Variants in CCDC110 observed in about 807,000 individuals in gnomAD.
CCDC110 encodes the protein coiled-coil domain-containing protein 110.
CCDC110 carries 70 observed loss-of-function variants against 77.1 expected under a neutral mutation model. The observed-to-expected ratio is 0.91, with a 90% confidence interval of 0.75 to 1.11. CCDC110 has a LOEUF of 1.11. Ranked by LOEUF, CCDC110 falls within the 50% of genes least tolerant of loss-of-function variation. The probability of loss-of-function intolerance (pLI) is 0.00; values close to 1 mark genes in which losing one functional copy is unlikely to be tolerated. For missense variants in CCDC110, 868 were observed against 942.9 expected (o/e 0.92, Z 1.04); for synonymous variants, 295 against 312.5 (o/e 0.94, Z 0.59).
Position 185,458,111 on chromosome 4 carries a change from C to T in CCDC110, c.2461+15G>A, listed in dbSNP as rs1456939821. On this transcript the variant is annotated intron_variant, in intron 6 of 6. Transcript: ENST00000307588. ...TCTTAAACACATCTCTACTAATCTA[C>T]CAGGACTTGCGTACCTTTCAAATCC... 16 of 1,504,932 alleles carry T rather than the reference C, an allele frequency of 1.1e-5. No individual in the cohort carries two copies. Among genetic ancestry groups the T allele is most frequent in the Non-Finnish European group, 1.4e-5 (16 of 1,128,748 alleles). The allele number at this position is 1,504,932 out of a possible 1,614,324, so 93.2% of individuals were successfully genotyped here.
rs200557679 is a variant in CCDC110, at chr4:185,460,079, A to G, written c.508T>C (p.Leu170=). The G allele has an allele frequency of 3.7e-6, 6 of 1,613,738 alleles. No individual in the cohort carries two copies. The highest frequency in any genetic ancestry group is 1.3e-5 in the African/African-American group (1 of 74,916). The stretch of plus-strand genomic sequence containing the variant: ...TTGTCTGTTGAAGTTCTCAGAGTTA[A>G]TGTGTCCTCGGAATGTATCTGGGAT... The part of the protein sequence containing the change: ...VPSQIHSEDT[L]TLRTSTDNLS... The change falls in exon 6 of 7, where the codon TTA becomes CTA. Residue 170 remains leucine, a synonymous_variant. Coordinates refer to ENST00000307588, the MANE Select transcript of CCDC110 (RefSeq NM_152775.4).
At position 185,459,234 on chromosome 4, in the gene CCDC110, T is replaced by C; in HGVS notation, c.1353A>G (p.Glu451=). ...TCATTTTGGACTTAAGGTTTAGATT[T>C]TCACTCTCCAGTTCCATTACTTTTT... ...IQKKVMELES[E]NLNLKSKMKP... The change falls in exon 6 of 7, where the codon GAA becomes GAG. Residue 451 remains glutamate, a synonymous_variant. Transcript: ENST00000307588. 6.2e-7 allele frequency: 1 copy of C among 1,607,386 alleles called. No homozygotes were observed. Among genetic ancestry groups the C allele is most frequent in the Non-Finnish European group, 8.5e-7 (1 of 1,178,094 alleles).
rs1249342930 is a variant in CCDC110, at chr4:185,463,058, C to T, written c.116-9G>A. On this transcript the variant is annotated splice_polypyrimidine_tract_variant and intron_variant, in intron 2 of 6. Transcript: ENST00000307588. ...TGCTATGCAGCCATATTCTAAGAAG[C>T]AAAATTGAAAAACCATGTGACTTAA... The T allele has an allele frequency of 1.2e-6, 2 of 1,607,452 alleles. No homozygotes were observed. The highest frequency in any genetic ancestry group is 1.3e-5 in the African/African-American group (1 of 74,612).
Position 185,449,690 on chromosome 4 carries a change from C to T in CCDC110, c.2462-4148G>A, listed in dbSNP as rs1485435581. On this transcript the variant is annotated intron_variant, in intron 6 of 6. Transcript: ENST00000307588. ...TTCTAGATCTTAACTATGAGTAATT[C>T]ACTATCAAGAGCTAATTATTTGAAA... 6 of 1,299,952 alleles carry T rather than the reference C, an allele frequency of 4.6e-6. No homozygotes were observed. The South Asian group carries it at 7.0e-5, about 15-fold the overall frequency. The allele number at this position is 1,299,952 out of a possible 1,614,324, so 80.5% of individuals were successfully genotyped here.
chr4:185,450,239 A>G (rs949574534), intron 6 of CCDC110, among the ~76,000 whole-genome samples: 1 of 152,170 alleles, frequency 6.6e-6, no homozygotes, highest in African/African-American at 2.4e-5. Flanking sequence ...CAGCCCCAAG[A>G]TGAGTTTGAG....
At chr4:185,462,011 T>A (rs4309881) in intron 4 of CCDC110, among the ~76,000 whole-genome samples, 52,808 of 151,924 alleles carry the variant, frequency 0.35, 10,855 homozygotes, top group Non-Finnish European at 0.48. Context: ...GGCAGGAGAA[T>A]TGCTTGAACC....
chr4:185,449,214 A>C (rs1258565461), intron 6 of CCDC110, among the ~76,000 whole-genome samples: 1 of 152,192 alleles, frequency 6.6e-6, no homozygotes, highest in Non-Finnish European at 1.5e-5. Flanking sequence ...TTTTAATGAA[A>C]ATAGTTTTTA....
chr4:185,469,698 C>T (rs2095662438), intron 2 of CCDC110, among the ~76,000 whole-genome samples: 1 of 152,222 alleles, frequency 6.6e-6, no homozygotes, highest in Non-Finnish European at 1.5e-5. Context: ...AGTGCCTGTC[C>T]TGCTGGCCTC....
At chr4:185,448,708 C>T (rs1213700976) in intron 6 of CCDC110, among the ~76,000 whole-genome samples, 1 of 152,300 alleles carries the variant, frequency 6.6e-6, no homozygotes, top group African/African-American at 2.4e-5. Flanking sequence ...CTGCCCAACT[C>T]ATCTAATAAA....
In CCDC110 at chr4:185,462,576, A is replaced by G. The variant is rs180747678; in HGVS notation, c.237+67T>C. ...TCAGCTAATCCATTGGCTAGTGACCATCAGCTTAGAAGATGGGATGATACT... is the reference window on the plus strand; with the variant it reads ...TCAGCTAATCCATTGGCTAGTGACCGTCAGCTTAGAAGATGGGATGATACT... On this transcript the variant is annotated intron_variant, in intron 4 of 6. Transcript: ENST00000307588. 1.5e-3 allele frequency: 1,876 copies of G among 1,217,468 alleles called. 6 individuals are homozygous for G. The highest frequency in any genetic ancestry group is 9.6e-3 in the Middle Eastern group (51 of 5,298). The allele number at this position is 1,217,468 out of a possible 1,614,324, so 75.4% of individuals were successfully genotyped here.
In CCDC110 at chr4:185,445,228, T is replaced by G. The variant is rs2120413; in HGVS notation, c.*274A>C. On this transcript the variant is annotated 3_prime_UTR_variant, in exon 7 of 7. Transcript: ENST00000307588. ...TATCTTTTATTTATATATACTTTTT[T>G]AAATGACAAATGTGGGTGACTTTAG... 8.9e-7 allele frequency: 1 copy of G among 1,128,704 alleles called. No individual in the cohort carries two copies. The highest frequency in any genetic ancestry group is 2.6e-5 in the East Asian group (1 of 38,648). 69.9% of individuals were successfully genotyped at this position (1,128,704 alleles called of 1,614,324 possible).
At chr4:185,470,373 C>A (rs755212232) in intron 2 of CCDC110, among the ~76,000 whole-genome samples, 6 of 152,082 alleles carry the variant, frequency 3.9e-5, no homozygotes, top group Non-Finnish European at 8.8e-5. Context: ...ACTTGTAATA[C>A]CTTATACAAT....
rs754800606 is a variant in CCDC110, at chr4:185,462,668, A to C, written c.212T>G (p.Met71Arg). 1.1e-5 allele frequency: 18 copies of C among 1,613,906 alleles called. No individual in the cohort carries two copies. The East Asian group carries it at 3.6e-4, about 32-fold the overall frequency. Residue 71 changes from methionine to arginine, a missense_variant, in exon 4 of 7, where the codon ATG (methionine) becomes AGG (arginine). By Grantham distance (91) the Met-to-Arg change is moderately conservative. Coordinates refer to ENST00000307588, the MANE Select transcript of CCDC110 (RefSeq NM_152775.4). ...QQLESFQALRMQTLQNVSMVQ... is the reference protein window; with the variant it reads ...QQLESFQALRRQTLQNVSMVQ... ...CATGCTGACATTCTGCAAAGTCTGC[A>C]TTCGCAAAGCCTGAAATGATTCCAA...
Position 185,471,650 on chromosome 4 carries a change from AGCCCC to A in CCDC110, c.10+19_10+23del, listed in dbSNP as rs2095668345. 1 of 1,554,352 alleles carries A rather than the reference AGCCCC, an allele frequency of 6.4e-7. No individual in the cohort carries two copies. On this transcript the variant is annotated intron_variant, in intron 1 of 6. Coordinates refer to ENST00000307588, the MANE Select transcript of CCDC110 (RefSeq NM_152775.4). ...CCTCCGTTCCCGCGGCTCCCCTAGG[AGCCCC>A]GCCCCGTCCAACTCTTACCCGGGCT...
chr4:185,451,712 T>G (rs957654480), intron 6 of CCDC110, among the ~76,000 whole-genome samples: 1 of 152,264 alleles, frequency 6.6e-6, no homozygotes, highest in Non-Finnish European at 1.5e-5. Context: ...GGCTCATGCC[T>G]GTAATCCCAA....
chr4:185,460,492 T>C (rs2095644063), intron 5 of CCDC110, among the ~76,000 whole-genome samples: 1 of 152,214 alleles, frequency 6.6e-6, no homozygotes, highest in Non-Finnish European at 1.5e-5. Context: ...AACCCCTCAA[T>C]TTCAGAAATA....
Position 185,464,662 on chromosome 4 carries a change from A to G in CCDC110, c.116-1613T>C, listed in dbSNP as rs77078006. ...TACCACCTAGAATCCTGCCACCCAC[A>G]ACGAACTGTTGTTAATTTTAGGTGC... On this transcript the variant is annotated intron_variant, in intron 2 of 6. Transcript: ENST00000307588. Among the ~76,000 whole-genome samples, 13 of 152,290 alleles carry G rather than the reference A, an allele frequency of 8.5e-5. No homozygotes were observed. In the East Asian group the frequency reaches 2.5e-3, roughly 29 times the overall value.
intron 6 of CCDC110, among the ~76,000 whole-genome samples, chr4:185,445,902 C>T (rs1490219221): frequency 2.0e-5 from 3 of 152,078 alleles, no homozygotes; most frequent in Admixed American, 1.3e-4. Flanking sequence ...GGTACAATGG[C>T]GTGATCTCGG....
chr4:185,460,827 A>T (rs1295686862), intron 5 of CCDC110: 1 of 464,680 alleles, frequency 2.2e-6, no homozygotes, highest in Non-Finnish European at 4.1e-6. Flanking sequence ...ATCTGGACTA[A>T]GTCAAATGTC....
Sources: allele counts gnomAD v4.1 joint callset (sites outside exome capture counted in the v4.1 genomes callset), GRCh38; gene constraint gnomAD v4.1.1; transcripts MANE v1.5; gene names NCBI Gene and HGNC (gene_info 2026-07-23, HGNC 2026-07-21).